ARHGAP35: variants seen among roughly 807,000 people sequenced by gnomAD.
ARHGAP35 encodes rho GTPase-activating protein 35.
Under a neutral mutation model 111.1 loss-of-function variants are expected in ARHGAP35, and 15 were observed. That is an observed-to-expected ratio of 0.13 (90% CI 0.09 to 0.21). The LOEUF is 0.21. Ranked by LOEUF, ARHGAP35 falls within the 10% of genes least tolerant of loss-of-function variation. ARHGAP35 has a pLI of 1.00. For missense variants in ARHGAP35, 1,262 were observed against 1,873.0 expected, an observed-to-expected ratio of 0.67 and a Z score of 6.02; for synonymous variants, 643 against 710.3, an observed-to-expected ratio of 0.91 and a Z score of 1.51.
chr19:46,994,614 G>A lies in ARHGAP35; in HGVS notation c.4037-4690G>A, dbSNP rs10416126. ...GGGATGAGGATGGTGGTCAGGAGGG[G>A]AAACAGAGGCAGGGCCAGGAAGGCC... On this transcript the variant is annotated intron_variant, in intron 5 of 6. Coordinates refer to ENST00000672722, the MANE Select transcript of ARHGAP35 (RefSeq NM_004491.5). This position sits in a 1 kb window ranked among gnomAD's most constrained non-coding sequence, Gnocchi z 5.4. 0.02 allele frequency among the ~76,000 whole-genome samples: 3,014 copies of A among 152,242 alleles called. 106 individuals carry two copies. The highest frequency in any genetic ancestry group is 0.068 in the African/African-American group (2,807 of 41,526).
chr19:46,924,320 G>A (rs909737971), intron 2 of ARHGAP35, among the ~76,000 whole-genome samples: 1 of 152,308 alleles, frequency 6.6e-6, no homozygotes, highest in East Asian at 1.9e-4. Flanking sequence ...GAGGAACAGG[G>A]TGCCATCACC....
chr19:46,913,177 G>T lies in ARHGAP35; in HGVS notation c.-188-5311G>T, dbSNP rs144101280. ...ATTTTTATTATGGATAATGGTGGAAGATTTTTGTCTTAGGGGGCATTCTAG... is the reference window on the plus strand; with the variant it reads ...ATTTTTATTATGGATAATGGTGGAATATTTTTGTCTTAGGGGGCATTCTAG... On this transcript the variant is annotated intron_variant, in intron 1 of 6. Coordinates refer to ENST00000672722, the MANE Select transcript of ARHGAP35 (RefSeq NM_004491.5). 9.8e-4 allele frequency among the ~76,000 whole-genome samples: 146 copies of T among 148,738 alleles called. 2 individuals carry two copies. In the East Asian group the frequency reaches 0.021, roughly 21 times the overall value.
chr19:46,873,397 C>G lies in ARHGAP35; in HGVS notation c.-189+12188C>G, dbSNP rs113379194. ...TTGTAATCCTAGCACTTTGGTGGGC[C>G]GAGGTGGGCGGATAATTTGAGGTCA... On this transcript the variant is annotated intron_variant, in intron 1 of 6. Transcript: ENST00000672722. Among the ~76,000 whole-genome samples the G allele has an allele frequency of 6.5e-3, 986 of 151,964 alleles. 6 individuals carry two copies. Among genetic ancestry groups the G allele is most frequent in the South Asian group, 0.02 (98 of 4,798 alleles).
intron 3 of ARHGAP35, among the ~76,000 whole-genome samples, chr19:46,950,057 C>T (rs925570018): frequency 6.6e-6 from 1 of 152,196 alleles, no homozygotes; most frequent in Non-Finnish European, 1.5e-5. Context: ...AAAGGCCCCT[C>T]GTCATTTCAT....
intron 3 of ARHGAP35, among the ~76,000 whole-genome samples, chr19:46,941,876 T>TAA (rs71179279): frequency 0.44 from 41,459 of 94,194 alleles, 10,259 homozygotes; most frequent in Non-Finnish European, 0.55. Context: ...CCTGTCTCTT[T>TAA]AAAAAAAAAA....
rs143171894 is a variant in ARHGAP35, at chr19:46,929,963, A to G, written c.3682-7301A>G. Reference sequence around the variant, plus strand: ...ATTTTTTAAAAGTTGGGGTCTCACTATGTTTCTAGGCTGGTCTCAAAACTC... The same window carrying G: ...ATTTTTTAAAAGTTGGGGTCTCACTGTGTTTCTAGGCTGGTCTCAAAACTC... On this transcript the variant is annotated intron_variant, in intron 2 of 6. Coordinates refer to ENST00000672722, the MANE Select transcript of ARHGAP35 (RefSeq NM_004491.5). 2.3e-3 allele frequency among the ~76,000 whole-genome samples: 349 copies of G among 151,838 alleles called. 2 individuals carry two copies. Among genetic ancestry groups the G allele is most frequent in the African/African-American group, 6.1e-3 (254 of 41,388 alleles).
chr19:46,964,641 A>G (rs1415816531), intron 3 of ARHGAP35, among the ~76,000 whole-genome samples: 1 of 152,114 alleles, frequency 6.6e-6, no homozygotes, highest in Non-Finnish European at 1.5e-5. Flanking sequence ...TCAACTTTCA[A>G]CTGGTTTCAG....
At chr19:46,941,217 G>A (rs778454108) in intron 3 of ARHGAP35, among the ~76,000 whole-genome samples, 58 of 152,258 alleles carry the variant, frequency 3.8e-4, no homozygotes, top group South Asian at 6.2e-4. Context: ...CCCTTGTGTG[G>A]TTTAAAATTT....
rs931668801 is a variant in ARHGAP35, at chr19:46,861,083, C to A, written c.-315C>A. On this transcript the variant is annotated 5_prime_UTR_variant, in exon 1 of 7. Coordinates refer to ENST00000672722, the MANE Select transcript of ARHGAP35 (RefSeq NM_004491.5). ...CGCGAGGGAGGGTCCGCCCGGCCCC[C>A]CGCCGCCGGAGCCGCCGCCGCCGCC... is the stretch of plus-strand genomic sequence containing the variant. Among the ~76,000 whole-genome samples, 6 of 147,546 alleles carry A rather than the reference C, an allele frequency of 4.1e-5. No individual in the cohort carries two copies. Among genetic ancestry groups the A allele is most frequent in the African/African-American group, 1.6e-4 (6 of 38,706 alleles).
intron 1 of ARHGAP35, among the ~76,000 whole-genome samples, chr19:46,904,417 C>T (rs2056095669): frequency 6.6e-6 from 1 of 152,158 alleles, no homozygotes; most frequent in African/African-American, 2.4e-5. Flanking sequence ...TTTATCTGCC[C>T]TGTTCCTTTG....
At chr19:46,861,844 C>A (rs1279460009) in intron 1 of ARHGAP35, among the ~76,000 whole-genome samples, 1 of 152,086 alleles carries the variant, frequency 6.6e-6, no homozygotes, top group Non-Finnish European at 1.5e-5. Flanking sequence ...CCATCTGAGA[C>A]CCCTGTTCGG....
chr19:46,997,017 C>T (rs1288429183), intron 5 of ARHGAP35, among the ~76,000 whole-genome samples: 9 of 152,004 alleles, frequency 5.9e-5, no homozygotes, highest in Non-Finnish European at 5.9e-5. Flanking sequence ...AATTAGCAGG[C>T]GTGGTGGTGG....
chr19:46,942,315 A>AT (rs908119075), intron 3 of ARHGAP35, among the ~76,000 whole-genome samples: 1 of 152,094 alleles, frequency 6.6e-6, no homozygotes, highest in East Asian at 1.9e-4. Context: ...AGCTTTCAAC[A>AT]TTTTTTTAAC....
chr19:46,954,056 C>A (rs2056426185), intron 3 of ARHGAP35, among the ~76,000 whole-genome samples: 1 of 152,130 alleles, frequency 6.6e-6, no homozygotes, highest in Non-Finnish European at 1.5e-5. Context: ...CAGGAGGGAG[C>A]TTGCTCTCCT....
At chr19:46,965,765 G>A (rs1040502566) in intron 3 of ARHGAP35, among the ~76,000 whole-genome samples, 3 of 152,156 alleles carry the variant, frequency 2.0e-5, no homozygotes, top group African/African-American at 4.8e-5. Flanking sequence ...GATTACAGGC[G>A]TGAACTGCTG....
At chr19:46,882,832 T>C (rs1357836459) in intron 1 of ARHGAP35, among the ~76,000 whole-genome samples, 1 of 152,202 alleles carries the variant, frequency 6.6e-6, no homozygotes, top group African/African-American at 2.4e-5. Flanking sequence ...GGACATGAAC[T>C]CACTCTTTTT....
intron 1 of ARHGAP35, among the ~76,000 whole-genome samples, chr19:46,878,873 CTCATGGTGGTGGTT>C (rs1452489899): frequency 1.3e-5 from 2 of 152,096 alleles, no homozygotes; most frequent in Non-Finnish European, 1.5e-5. Flanking sequence ...TGGCTTCTGA[CTCATGGTGGTGGTT>C]ACTGAAGGTT....
intron 1 of ARHGAP35, among the ~76,000 whole-genome samples, chr19:46,882,888 A>G (rs2055970132): frequency 6.6e-6 from 1 of 152,198 alleles, no homozygotes; most frequent in Non-Finnish European, 1.5e-5. Flanking sequence ...TCACTGGAGT[A>G]GCACTTTTAA....
intron 3 of ARHGAP35, among the ~76,000 whole-genome samples, chr19:46,978,641 GGT>G (rs2056594821): frequency 1.4e-5 from 2 of 141,194 alleles, no homozygotes; most frequent in African/African-American, 2.6e-5. Context: ...TGTGCGGTGG[GGT>G]ATGTGTGTGT....
Sources: gnomAD v4.1 joint callset for allele counts (sites outside exome capture counted in the v4.1 genomes callset) on GRCh38, gnomAD v4.1.1 for gene constraint, Gnocchi (gnomAD v3.1) non-coding constraint, MANE v1.5 for transcripts, NCBI Gene and HGNC (gene_info 2026-07-23, HGNC 2026-07-21) for gene names.